Variants in CDH20 observed in about 807,000 individuals in gnomAD.
CDH20 encodes the protein cadherin 20, also known as cadherin-20.
A neutral mutation model predicts 74.2 loss-of-function variants in CDH20; 29 were observed. That is an observed-to-expected ratio of 0.39 (90% confidence interval 0.29 to 0.53). The LOEUF is 0.53. CDH20 is among the 20% of genes least tolerant of loss of function. CDH20 has a pLI of 0.69. For synonymous variants in CDH20, 469 were observed against 405.4 expected (o/e 1.16, Z -1.88); for missense variants, 988 against 1,048.3 (o/e 0.94, Z 0.79).
chr18:61,460,001 C>T (rs895908823), intron 1 of CDH20, among the ~76,000 whole-genome samples: 1 of 152,122 alleles, frequency 6.6e-6, no homozygotes, highest in East Asian at 1.9e-4. Flanking sequence ...AAGAAAAGCT[C>T]TTGTTGGAAC....
At chr18:61,406,040 A>C (rs977525070) in intron 1 of CDH20, among the ~76,000 whole-genome samples, 1 of 152,118 alleles carries the variant, frequency 6.6e-6, no homozygotes, top group African/African-American at 2.4e-5. Flanking sequence ...TGATGTTCAC[A>C]CTGGCCAATT....
chr18:61,493,935 G>T (rs995242128), intron 2 of CDH20, among the ~76,000 whole-genome samples: 3 of 152,148 alleles, frequency 2.0e-5, no homozygotes, highest in Non-Finnish European at 4.4e-5. Context: ...CCTCCCTGAC[G>T]CTGAGTACTT....
rs540032877 is a variant in CDH20 at position 61,343,296 on chromosome 18, T to G, written c.-153+9469T>G. On this transcript the variant is annotated intron_variant, in intron 1 of 11. Coordinates refer to ENST00000262717, the MANE Select transcript of CDH20 (RefSeq NM_031891.4). ...TGGCATGGACATGCACATTATGGTA[T>G]GCCAGTCATACAAATTTAATGAAAC... Among the ~76,000 whole-genome samples, 17 of 152,314 alleles carry G rather than the reference T, an allele frequency of 1.1e-4. No homozygotes were observed. The East Asian group carries it at 2.9e-3, about 26-fold the overall frequency.
At chr18:61,408,524 G>C (rs1282611042) in intron 1 of CDH20, among the ~76,000 whole-genome samples, 1 of 152,132 alleles carries the variant, frequency 6.6e-6, no homozygotes, top group Non-Finnish European at 1.5e-5. Context: ...TATAATGAAC[G>C]ATATATGATT....
chr18:61,403,810 G>A (rs571729381), intron 1 of CDH20, among the ~76,000 whole-genome samples: 7 of 152,260 alleles, frequency 4.6e-5, no homozygotes, highest in African/African-American at 7.2e-5. Flanking sequence ...ACAAGCGCAC[G>A]TATATTCACC....
At chr18:61,497,866 C>T (rs556255414) in intron 2 of CDH20, among the ~76,000 whole-genome samples, 3 of 152,254 alleles carry the variant, frequency 2.0e-5, no homozygotes, top group Admixed American at 6.5e-5. Flanking sequence ...ATGAACTTCA[C>T]CCTGGACTAT....
chr18:61,384,842 A>G (rs955350312), intron 1 of CDH20, among the ~76,000 whole-genome samples: 4 of 152,210 alleles, frequency 2.6e-5, no homozygotes, highest in African/African-American at 9.6e-5. Flanking sequence ...AAGAATATCT[A>G]TTAGTATTAA....
At chr18:61,425,382 G>A (rs549105287) in intron 1 of CDH20, among the ~76,000 whole-genome samples, 2 of 152,308 alleles carry the variant, frequency 1.3e-5, no homozygotes, top group South Asian at 4.1e-4. Context: ...GAAGGAGACA[G>A]AGATAGAGAA....
In CDH20 at chr18:61,337,359, C is replaced by A. The variant is rs989617628; in HGVS notation, c.-153+3532C>A. Among the ~76,000 whole-genome samples, 4 of 152,130 alleles carry A rather than the reference C, an allele frequency of 2.6e-5. No individual in the cohort carries two copies. In the East Asian group the frequency reaches 7.7e-4, roughly 29 times the overall value. ...ATAAAAATAAACGCATTACCTAATT[C>A]TAGTATTAAATATATTTTATTTATA... On this transcript the variant is annotated intron_variant, in intron 1 of 11. Transcript: ENST00000262717.
chr18:61,379,699 T>A (rs1371562989), intron 1 of CDH20, among the ~76,000 whole-genome samples: 1 of 152,194 alleles, frequency 6.6e-6, no homozygotes, highest in African/African-American at 2.4e-5. Context: ...GGGCTTGATA[T>A]TTACATTTAT....
chr18:61,490,586 G>C lies in CDH20; in HGVS notation c.33G>C (p.Lys11Asn). 1 of 1,614,138 alleles carries C rather than the reference G, an allele frequency of 6.2e-7. No homozygotes were observed. The change falls in exon 2 of 12, where the codon AAG becomes AAC. Residue 11 changes from lysine (K) to asparagine (N), a missense_variant. Lys to Asn is a moderately conservative substitution (Grantham distance 94). Coordinates refer to ENST00000262717, the MANE Select transcript of CDH20 (RefSeq NM_031891.4). MWTSGRMSNA[K>N]NWLGLGMSLY... Reference sequence around the variant, plus strand: ...CTTCTGGTAGAATGAGCAATGCAAAGAACTGGCTTGGACTTGGCATGTCCT... The same window carrying C: ...CTTCTGGTAGAATGAGCAATGCAAACAACTGGCTTGGACTTGGCATGTCCT...
At chr18:61,508,166 T>C (rs1911645902) in intron 6 of CDH20, among the ~76,000 whole-genome samples, 1 of 152,192 alleles carries the variant, frequency 6.6e-6, no homozygotes, top group Non-Finnish European at 1.5e-5. Context: ...AGATAAAACT[T>C]TTTAAAAATT....
intron 1 of CDH20, among the ~76,000 whole-genome samples, chr18:61,338,286 TA>T (rs1343926627): frequency 1.3e-5 from 2 of 152,158 alleles, no homozygotes; most frequent in Non-Finnish European, 2.9e-5. Flanking sequence ...CAACCTATTT[TA>T]AAGAGAATTT....
intron 1 of CDH20, among the ~76,000 whole-genome samples, chr18:61,426,231 C>T (rs1286264482): frequency 6.6e-6 from 1 of 151,770 alleles, no homozygotes; most frequent in Admixed American, 6.6e-5. Flanking sequence ...AAAAGAGAGC[C>T]CCTTTTCTAG....
intron 1 of CDH20, among the ~76,000 whole-genome samples, chr18:61,407,148 A>C (rs149044362): frequency 1.5e-3 from 232 of 152,304 alleles, no homozygotes; most frequent in African/African-American, 5.2e-3. Flanking sequence ...GGCTTTATTC[A>C]ACAGAAAAAT....
chr18:61,426,749 T>C (rs1219144431), intron 1 of CDH20, among the ~76,000 whole-genome samples: 1 of 152,238 alleles, frequency 6.6e-6, no homozygotes, highest in African/African-American at 2.4e-5. Flanking sequence ...ATAATTTTAA[T>C]AAACATTTGC....
At chr18:61,410,213 G>T (rs533020499) in intron 1 of CDH20, among the ~76,000 whole-genome samples, 2 of 151,952 alleles carry the variant, frequency 1.3e-5, no homozygotes, top group Non-Finnish European at 2.9e-5. Flanking sequence ...AAACACACAG[G>T]TCTCCTAACA....
intron 6 of CDH20, among the ~76,000 whole-genome samples, chr18:61,521,901 T>C (rs1292135559): frequency 6.6e-6 from 1 of 152,086 alleles, no homozygotes; most frequent in Non-Finnish European, 1.5e-5. Context: ...CTAAATAAAC[T>C]AGGTATTGAT....
chr18:61,538,596 G>GGT (rs1912898968), intron 8 of CDH20, among the ~76,000 whole-genome samples: 3 of 24,514 alleles, frequency 1.2e-4, no homozygotes, highest in African/African-American at 2.9e-4. Flanking sequence ...TTGTTTGTTT[G>GGT]TTTTTGTTTT....
Sources: allele counts gnomAD v4.1 joint callset (sites outside exome capture counted in the v4.1 genomes callset), GRCh38; gene constraint gnomAD v4.1.1; transcripts MANE v1.5; gene names NCBI Gene and HGNC (gene_info 2026-07-23, HGNC 2026-07-21).